THOC1: variants seen among roughly 807,000 people sequenced by gnomAD.
THOC1 encodes THO complex 1.
A neutral mutation model predicts 97.3 loss-of-function variants in THOC1; 29 were observed. The observed-to-expected ratio is 0.30, with a 90% CI of 0.22 to 0.41. The LOEUF is 0.41. Among genes scored for constraint, THOC1 ranks in the 10% least tolerant of loss-of-function variants. The pLI is 1.00. For missense variants in THOC1, 529 were observed against 761.9 expected (o/e 0.69, Z 3.60); for synonymous variants, 255 against 257.0 (o/e 0.99, Z 0.07).
chr18:240,544 GA>G, intron 11 of THOC1, among the ~76,000 whole-genome samples: 1 of 152,234 alleles, frequency 6.6e-6, no homozygotes, highest in South Asian at 2.1e-4. Flanking sequence ...ACAATCATAT[GA>G]AAAGGTTTTG....
intron 11 of THOC1, among the ~76,000 whole-genome samples, chr18:235,954 A>C (rs1215235801): frequency 6.6e-6 from 1 of 152,204 alleles, no homozygotes; most frequent in Non-Finnish European, 1.5e-5. Context: ...CCAACTTTTC[A>C]TAATTTTGTA....
Position 225,394 on chromosome 18 carries a change from A to G in THOC1, c.1029T>C (p.Tyr343=). The G allele has an allele frequency of 6.2e-7, 1 of 1,613,112 alleles. No homozygotes were observed. Among genetic ancestry groups the G allele is most frequent in the Non-Finnish European group, 8.5e-7 (1 of 1,179,524 alleles). The change falls in exon 13 of 21, where the codon TAT becomes TAC. Residue 343 remains tyrosine, a synonymous_variant. Coordinates refer to ENST00000261600, the MANE Select transcript of THOC1 (RefSeq NM_005131.3). ...KGQVKFKSSN[Y]VLTDEQSLWI... ...AAAGTGATTGCTCATCAGTTAAAAC[A>G]TAGTTTGAACTAGGGAACAAAGCAA...
chr18:267,426 T>C (rs149730663), intron 1 of THOC1, among the ~76,000 whole-genome samples: 38 of 152,270 alleles, frequency 2.5e-4, no homozygotes, highest in Middle Eastern at 3.4e-3. Context: ...AAGAATAAAA[T>C]AGCATCTGGT....
chr18:221,606 CTTTTTTTTTT>C (rs369952039), intron 17 of THOC1, among the ~76,000 whole-genome samples: 56 of 110,922 alleles, frequency 5.0e-4, no homozygotes, highest in Middle Eastern at 0.01. Context: ...ATAGATGGAT[CTTTTTTTTTT>C]TTTTTTTTTT....
At position 251,885 on chromosome 18, in the gene THOC1, TTC is replaced by T. The variant is rs1373729115; in HGVS notation, c.677+652_677+653del. 1.3e-4 allele frequency among the ~76,000 whole-genome samples: 20 copies of T among 152,238 alleles called. 1 individual carries two copies. Among genetic ancestry groups the T allele is most frequent in the Admixed American group, 6.5e-5 (1 of 15,280 alleles). On this transcript the variant is annotated intron_variant, in intron 9 of 20. Coordinates refer to ENST00000261600, the MANE Select transcript of THOC1 (RefSeq NM_005131.3). ...TTATCTTACTTGTTTTTATTAATCT[TTC>T]TCAAATGCATGTATAGCTCACATTT...
intron 11 of THOC1, among the ~76,000 whole-genome samples, chr18:230,601 G>A (rs1481967071): frequency 6.6e-6 from 1 of 152,232 alleles, no homozygotes; most frequent in Non-Finnish European, 1.5e-5. Flanking sequence ...TACACAGCTA[G>A]TTAGTGACAC....
intron 7 of THOC1, among the ~76,000 whole-genome samples, chr18:256,541 C>T (rs914811576): frequency 6.6e-6 from 1 of 152,216 alleles, no homozygotes; most frequent in Non-Finnish European, 1.5e-5. Context: ...AAAGTGGTTT[C>T]TCGAGATGAA....
intron 11 of THOC1, among the ~76,000 whole-genome samples, chr18:244,147 A>T (rs1401095228): frequency 6.6e-6 from 1 of 152,054 alleles, no homozygotes; most frequent in African/African-American, 2.4e-5. Flanking sequence ...CTCACTAAAC[A>T]TCTCTGCTTT....
intron 11 of THOC1, among the ~76,000 whole-genome samples, chr18:236,558 T>C (rs1199064197): frequency 2.7e-5 from 4 of 150,290 alleles, no homozygotes; most frequent in Non-Finnish European, 4.4e-5. Context: ...AGAGACAGGG[T>C]TTCACCGTGT....
chr18:267,036 T>TAA (rs1555609451), intron 1 of THOC1, among the ~76,000 whole-genome samples: 4 of 142,424 alleles, frequency 2.8e-5, no homozygotes, highest in Non-Finnish European at 6.2e-5. Context: ...TATATATATA[T>TAA]AACCCTGCAA....
intron 10 of THOC1, among the ~76,000 whole-genome samples, chr18:247,580 T>C (rs1338873421): frequency 6.6e-6 from 1 of 152,214 alleles, no homozygotes; most frequent in Non-Finnish European, 1.5e-5. Context: ...GAATATATTC[T>C]GCAAAATATC....
At chr18:240,743 A>G (rs1183561046) in intron 11 of THOC1, among the ~76,000 whole-genome samples, 1 of 152,184 alleles carries the variant, frequency 6.6e-6, no homozygotes, top group Non-Finnish European at 1.5e-5. Flanking sequence ...GGGATGATTC[A>G]AGTGCATTAC....
chr18:232,286 G>A (rs1434882966), intron 11 of THOC1, among the ~76,000 whole-genome samples: 1 of 151,930 alleles, frequency 6.6e-6, no homozygotes, highest in Non-Finnish European at 1.5e-5. Flanking sequence ...TTGTAGAGAT[G>A]GGGGTATCAC....
intron 14 of THOC1, 29 bp from the exon 15 acceptor site, chr18:225,023 G>A (rs759264119): frequency 1.3e-6 from 2 of 1,565,276 alleles, no homozygotes; most frequent in Non-Finnish European, 1.7e-6. Context: ...TTACATTTTG[G>A]TTAGTGGAAT....
At position 230,848 on chromosome 18, in the gene THOC1, G is replaced by A. The variant is rs184047805; in HGVS notation, c.919-3947C>T. Among the ~76,000 whole-genome samples, 542 of 152,214 alleles carry A rather than the reference G, an allele frequency of 3.6e-3. 1 individual carries two copies. Among genetic ancestry groups the A allele is most frequent in the African/African-American group, 0.012 (505 of 41,524 alleles). Reference sequence around the variant, plus strand: ...ACTCAGGGGCTCAACCAATTCTCTCGCCTCAGCCTCCTGAGTAGCTAGGAC... The same window carrying A: ...ACTCAGGGGCTCAACCAATTCTCTCACCTCAGCCTCCTGAGTAGCTAGGAC... On this transcript the variant is annotated intron_variant, in intron 11 of 20. Transcript: ENST00000261600.
intron 9 of THOC1, among the ~76,000 whole-genome samples, chr18:251,947 T>C (rs776545355): frequency 5.3e-5 from 8 of 152,252 alleles, no homozygotes; most frequent in Non-Finnish European, 7.3e-5. Flanking sequence ...TTTTGATCTT[T>C]ATCTAGGAGT....
At chr18:232,373 C>T (rs1309226875) in intron 11 of THOC1, among the ~76,000 whole-genome samples, 1 of 152,122 alleles carries the variant, frequency 6.6e-6, no homozygotes, top group South Asian at 2.1e-4. Flanking sequence ...GCTGGGATTA[C>T]AGCCACTGCA....
At chr18:244,095 C>T (rs1912005032) in intron 11 of THOC1, among the ~76,000 whole-genome samples, 1 of 152,086 alleles carries the variant, frequency 6.6e-6, no homozygotes. Flanking sequence ...GTATTCCTTT[C>T]CTACTCCTGA....
At chr18:220,991 TTTCTC>T (rs954278947) in intron 17 of THOC1, among the ~76,000 whole-genome samples, 3 of 152,204 alleles carry the variant, frequency 2.0e-5, no homozygotes, top group Admixed American at 6.5e-5. Context: ...AGGCTATACA[TTTCTC>T]TTCTGTGTTC....
Sources: allele counts gnomAD v4.1 joint callset (sites outside exome capture counted in the v4.1 genomes callset), GRCh38; gene constraint gnomAD v4.1.1; transcripts MANE v1.5; gene names NCBI Gene and HGNC (gene_info 2026-07-23, HGNC 2026-07-21).